TRPC6: variants seen among roughly 807,000 people sequenced by gnomAD.
TRPC6 encodes the protein transient receptor potential cation channel subfamily C member 6, also known as short transient receptor potential channel 6.
Under a neutral mutation model 90.7 loss-of-function variants are expected in TRPC6, and 55 were observed. The observed-to-expected ratio is 0.61, with a 90% CI of 0.49 to 0.76. The LOEUF (loss-of-function observed/expected upper bound fraction) is 0.76. Among genes scored for constraint, TRPC6 ranks in the 30% least tolerant of loss-of-function variants. TRPC6 has a pLI of 0.00. For synonymous variants in TRPC6, 393 were observed against 393.0 expected, an observed-to-expected ratio of 1.00 and a Z score of 0.00; for missense variants, 989 against 1,122.7, an observed-to-expected ratio of 0.88 and a Z score of 1.70.
At chr11:101,541,274 A>G (rs1483008957) in intron 1 of TRPC6, among the ~76,000 whole-genome samples, 1 of 152,204 alleles carries the variant, frequency 6.6e-6, no homozygotes, top group Non-Finnish European at 1.5e-5. Flanking sequence ...CTGGTTATCT[A>G]TCATCCAATT....
chr11:101,504,043 T>C lies in TRPC6; in HGVS notation c.926A>G (p.Asn309Ser). 1.9e-6 allele frequency: 3 copies of C among 1,614,088 alleles called. No individual in the cohort carries two copies. The highest frequency in any genetic ancestry group is 2.5e-6 in the Non-Finnish European group (3 of 1,179,966). The change falls in exon 2 of 13, where the codon AAT becomes AGT. Residue 309 changes from asparagine (N) to serine (S), a missense_variant. By Grantham distance (46) the Asn-to-Ser change is conservative (BLOSUM62 1). Transcript: ENST00000344327. The part of the protein sequence containing the change: ...ELSNELAVLA[N>S]IEKEFKNDYK... ...ACCTACCTTGAACTCTTTCTCAATA[T>C]TGGCCAGAACTGCCAGTTCATTGCT...
chr11:101,483,667 G>C (rs1859605525), intron 4 of TRPC6, among the ~76,000 whole-genome samples: 1 of 152,112 alleles, frequency 6.6e-6, no homozygotes, highest in East Asian at 1.9e-4. Context: ...TAAAAGTCAT[G>C]AGTACCAAGA....
At chr11:101,519,352 T>C (rs1221565560) in intron 1 of TRPC6, among the ~76,000 whole-genome samples, 2 of 152,100 alleles carry the variant, frequency 1.3e-5, no homozygotes, top group African/African-American at 4.8e-5. Context: ...AAAATAATTT[T>C]AAAAAATCAA....
intron 2 of TRPC6, among the ~76,000 whole-genome samples, chr11:101,499,622 C>CATAT (rs1466113112): frequency 1.5e-5 from 1 of 67,654 alleles, no homozygotes; most frequent in Non-Finnish European, 3.0e-5. Flanking sequence ...TATATATACA[C>CATAT]ACACAATATA....
intron 1 of TRPC6, among the ~76,000 whole-genome samples, chr11:101,528,093 TTGTCTA>T (rs1860823952): frequency 6.6e-6 from 1 of 152,070 alleles, no homozygotes; most frequent in Non-Finnish European, 1.5e-5. Flanking sequence ...ATATATATAT[TTGTCTA>T]TGTCTATCTG....
chr11:101,527,309 T>A (rs1222302303), intron 1 of TRPC6, among the ~76,000 whole-genome samples: 2 of 152,196 alleles, frequency 1.3e-5, no homozygotes, highest in Non-Finnish European at 2.9e-5. Flanking sequence ...CTCTGAAGCT[T>A]GAAAAACAAT....
chr11:101,532,812 G>A (rs1166337682), intron 1 of TRPC6, among the ~76,000 whole-genome samples: 3 of 152,158 alleles, frequency 2.0e-5, no homozygotes. Context: ...GGGGAGTTAA[G>A]AGGGTGAGGC....
chr11:101,473,053 CT>C (rs1260205474), intron 7 of TRPC6, among the ~76,000 whole-genome samples: 2 of 151,950 alleles, frequency 1.3e-5, no homozygotes, highest in African/African-American at 4.8e-5. Flanking sequence ...GTGATAAGAT[CT>C]GAGAAATTCA....
chr11:101,550,000 T>TC, intron 1 of TRPC6, among the ~76,000 whole-genome samples: 1 of 151,774 alleles, frequency 6.6e-6, no homozygotes, highest in East Asian at 1.9e-4. Context: ...CTCCCTTTTT[T>TC]CTGATGACAC....
At chr11:101,484,785 C>T (rs1480037673) in intron 4 of TRPC6, among the ~76,000 whole-genome samples, 1 of 151,784 alleles carries the variant, frequency 6.6e-6, no homozygotes, top group South Asian at 2.1e-4. Context: ...TTAAATCATG[C>T]CGAGATTACT....
intron 1 of TRPC6, among the ~76,000 whole-genome samples, chr11:101,580,290 A>G (rs1591154088): frequency 6.6e-6 from 1 of 152,302 alleles, no homozygotes; most frequent in South Asian, 2.1e-4. Context: ...AAAGTTCTAA[A>G]TAAAGGAAAT....
At chr11:101,546,050 C>CTTGTTTT (rs1861296022) in intron 1 of TRPC6, among the ~76,000 whole-genome samples, 1 of 29,694 alleles carries the variant, frequency 3.4e-5, no homozygotes. Context: ...ATTTATAACT[C>CTTGTTTT]TTTTTTTTTT....
rs777998415 is a variant in TRPC6 at position 101,504,278 on chromosome 11, C to G, written c.691G>C (p.Glu231Gln). The change falls in exon 2 of 13, where the codon GAA becomes CAA. Residue 231 changes from glutamate (E) to glutamine (Q), a missense_variant. By Grantham distance (29) the Glu-to-Gln change is conservative (BLOSUM62 2). Coordinates refer to ENST00000344327, the MANE Select transcript of TRPC6 (RefSeq NM_004621.6). ...AGGAGGGTATGCACAATTTCATATT[C>G]CTGGCAGTGGGCAGCCAGAATGATT... ...TPIILAAHCQ[E>Q]YEIVHTLLRK... 10 of 1,612,922 alleles carry G rather than the reference C, an allele frequency of 6.2e-6. No individual in the cohort carries two copies. Among genetic ancestry groups the G allele is most frequent in the African/African-American group, 1.3e-5 (1 of 74,918 alleles).
chr11:101,472,948 A>G (rs189039385), intron 7 of TRPC6, among the ~76,000 whole-genome samples: 5 of 147,548 alleles, frequency 3.4e-5, no homozygotes, highest in Admixed American at 3.3e-4. Flanking sequence ...TATTTAAATA[A>G]TCTATTCCAA....
chr11:101,523,284 A>T (rs1860702873), intron 1 of TRPC6, among the ~76,000 whole-genome samples: 1 of 152,210 alleles, frequency 6.6e-6, no homozygotes, highest in Non-Finnish European at 1.5e-5. Flanking sequence ...AGCAAGGAGC[A>T]GGAGGATGAG....
intron 1 of TRPC6, among the ~76,000 whole-genome samples, chr11:101,508,927 GT>G (rs1364544071): frequency 6.6e-6 from 1 of 152,000 alleles, no homozygotes; most frequent in Non-Finnish European, 1.5e-5. Context: ...ACTTTCAGAG[GT>G]AATTGAAATT....
intron 1 of TRPC6, among the ~76,000 whole-genome samples, chr11:101,574,444 A>G (rs1862032959): frequency 6.6e-6 from 1 of 151,460 alleles, no homozygotes; most frequent in South Asian, 2.1e-4. Context: ...ATGTCAGAGC[A>G]GGTTACAATT....
chr11:101,495,606 T>C (rs1859923891), intron 2 of TRPC6, among the ~76,000 whole-genome samples: 2 of 144,136 alleles, frequency 1.4e-5, no homozygotes, highest in South Asian at 4.3e-4. Flanking sequence ...TTATTATTAT[T>C]ATTATTATTA....
At chr11:101,518,070 G>C (rs1860562807) in intron 1 of TRPC6, among the ~76,000 whole-genome samples, 1 of 152,174 alleles carries the variant, frequency 6.6e-6, no homozygotes, top group African/African-American at 2.4e-5. Context: ...TCAGAGTTGT[G>C]ATATACTGGT....
Sources: gnomAD v4.1 joint callset for allele counts (sites outside exome capture counted in the v4.1 genomes callset) on GRCh38, gnomAD v4.1.1 for gene constraint, MANE v1.5 for transcripts, NCBI Gene and HGNC (gene_info 2026-07-23, HGNC 2026-07-21) for gene names.